ZCCHC7: variants seen among roughly 807,000 people sequenced by gnomAD.
The protein encoded by ZCCHC7 is zinc finger CCHC domain-containing protein 7.
ZCCHC7 carries 35 observed loss-of-function variants against 52.0 expected under a neutral mutation model. The ratio of observed to expected loss-of-function variants is 0.67; its 90% CI spans 0.51 to 0.89. ZCCHC7 has a LOEUF of 0.89. Ranked by LOEUF, ZCCHC7 falls within the 40% of genes least tolerant of loss-of-function variation. ZCCHC7 has a pLI of 0.00. For missense variants in ZCCHC7, 574 were observed against 649.1 expected, an observed-to-expected ratio of 0.88 and a Z score of 1.26; for synonymous variants, 217 against 221.5, an observed-to-expected ratio of 0.98 and a Z score of 0.18.
intron 3 of ZCCHC7, 67 bp downstream of exon 3, chr9:37,302,298 C>T: frequency 4.6e-6 from 6 of 1,311,450 alleles, no homozygotes; most frequent in South Asian, 1.3e-5. Context: ...ATTATGATAA[C>T]TTTTGGAACA....
intron 4 of ZCCHC7, 43 bp from the exon 5 acceptor site, chr9:37,305,501 C>T (rs376987256): frequency 1.1e-5 from 18 of 1,605,140 alleles, no homozygotes; most frequent in African/African-American, 1.1e-4. Flanking sequence ...TAATCTTCTA[C>T]CTTTTGAGAC....
intron 6 of ZCCHC7, among the ~76,000 whole-genome samples, chr9:37,342,109 T>G (rs1243976019): frequency 5.9e-5 from 9 of 152,150 alleles, no homozygotes; most frequent in Admixed American, 5.9e-4. Context: ...ATGATGTTCT[T>G]GTAATCATCC....
At chr9:37,237,967 G>A (rs1243799096) in intron 2 of ZCCHC7, among the ~76,000 whole-genome samples, 6 of 151,920 alleles carry the variant, frequency 3.9e-5, no homozygotes, top group East Asian at 1.9e-4. Context: ...TTTCATTTTC[G>A]TTTCATTACC....
intron 5 of ZCCHC7, among the ~76,000 whole-genome samples, chr9:37,306,049 G>A (rs1039880118): frequency 6.8e-6 from 1 of 147,952 alleles, no homozygotes; most frequent in Non-Finnish European, 1.5e-5. Flanking sequence ...TGTAAAATTT[G>A]TGTATTCATA....
chr9:37,284,561 T>C, intron 2 of ZCCHC7, among the ~76,000 whole-genome samples: 1 of 151,742 alleles, frequency 6.6e-6, no homozygotes, highest in East Asian at 1.9e-4. Context: ...TTATATGTAT[T>C]GGAAATGAAA....
intron 8 of ZCCHC7, 91 bp from the exon 9 acceptor site, chr9:37,356,744 C>G: frequency 8.3e-7 from 1 of 1,200,978 alleles, no homozygotes; most frequent in Non-Finnish European, 1.2e-6. Flanking sequence ...AAATATCTAG[C>G]TTCCCTGTCT....
Position 37,354,087 on chromosome 9 carries a change from G to A in ZCCHC7, c.1084-623G>A, listed in dbSNP as rs1293432253. ...AGTAAGAGTAGGGATTTCAACTTGG[G>A]TGGCGGAAGCAAGAAGAGAAACTTC... On this transcript the variant is annotated intron_variant, in intron 7 of 8. Coordinates refer to ENST00000336755, the MANE Select transcript of ZCCHC7 (RefSeq NM_032226.3). The surrounding 1 kb of genome is among the most constrained non-coding windows in gnomAD (Gnocchi z 4.0). Among the ~76,000 whole-genome samples the A allele has an allele frequency of 1.3e-5, 2 of 152,112 alleles. No individual in the cohort carries two copies. Among genetic ancestry groups the A allele is most frequent in the East Asian group, 1.9e-4 (1 of 5,198 alleles).
At chr9:37,260,869 T>A (rs991096729) in intron 2 of ZCCHC7, among the ~76,000 whole-genome samples, 2 of 152,248 alleles carry the variant, frequency 1.3e-5, no homozygotes, top group African/African-American at 4.8e-5. Flanking sequence ...TGAAATGGAG[T>A]TCAGACAAAC....
At position 37,349,476 on chromosome 9, in the gene ZCCHC7, A is replaced by G. The variant is rs1400802252; in HGVS notation, c.1083+24A>G. 6 of 1,605,722 alleles carry G rather than the reference A, an allele frequency of 3.7e-6. No homozygotes were observed. The Middle Eastern group carries it at 5.0e-4, about 133-fold the overall frequency. On this transcript the variant is annotated intron_variant, in intron 7 of 8. Coordinates refer to ENST00000336755, the MANE Select transcript of ZCCHC7 (RefSeq NM_032226.3). ...ACGTAAGTTTGAGTGACATTTGGGC[A>G]TGAAGCATTCTGTTGTCAGGGAGTG...
intron 2 of ZCCHC7, among the ~76,000 whole-genome samples, chr9:37,188,063 C>G (rs1822759311): frequency 6.6e-6 from 1 of 152,174 alleles, no homozygotes; most frequent in Non-Finnish European, 1.5e-5. Context: ...CCACTATACT[C>G]TTCTTCCCTT....
chr9:37,176,953 A>G (rs1018395121), intron 2 of ZCCHC7, among the ~76,000 whole-genome samples: 1 of 152,182 alleles, frequency 6.6e-6, no homozygotes, highest in Non-Finnish European at 1.5e-5. Flanking sequence ...TTGTTTTTTT[A>G]AACTACTGAT....
intron 3 of ZCCHC7, 40 bp from the exon 4 acceptor site, chr9:37,304,148 T>G: frequency 6.3e-7 from 1 of 1,581,470 alleles, no homozygotes; most frequent in Non-Finnish European, 8.6e-7. Context: ...TATTTAGCAG[T>G]GAAACAATTT....
In ZCCHC7 at chr9:37,126,458, C is replaced by G. The variant is rs1323824326; in HGVS notation, c.126C>G (p.Ala42=). 1 of 1,613,366 alleles carries G rather than the reference C, an allele frequency of 6.2e-7. No individual in the cohort carries two copies. The highest frequency in any genetic ancestry group is 1.3e-5 in the African/African-American group (1 of 74,790). The change falls in exon 2 of 9, where the codon GCC becomes GCG. Residue 42 remains alanine (A), a synonymous_variant. Transcript: ENST00000336755. ...AACTCTATAGCCAAATTCATTATGCCCAAGATCTTGATGATGTCATCAGGG... is the reference window on the plus strand; with the variant it reads ...AACTCTATAGCCAAATTCATTATGCGCAAGATCTTGATGATGTCATCAGGG... ...EFQLYSQIHY[A]QDLDDVIREE... is the part of the protein sequence containing the mutation.
intron 2 of ZCCHC7, among the ~76,000 whole-genome samples, chr9:37,259,427 T>C (rs1474792735): frequency 6.6e-6 from 1 of 152,174 alleles, no homozygotes; most frequent in Admixed American, 6.5e-5. Flanking sequence ...TTTATAAAGT[T>C]TCATTTTTAA....
intron 1 of ZCCHC7, 80 bp from the exon 2 acceptor site, chr9:37,126,232 C>A: frequency 7.6e-7 from 1 of 1,321,172 alleles, no homozygotes; most frequent in Non-Finnish European, 1.0e-6. Flanking sequence ...GCAGTTGTCA[C>A]TGACAGGTGA....
intron 6 of ZCCHC7, among the ~76,000 whole-genome samples, chr9:37,348,264 C>A (rs2118589037): frequency 6.6e-6 from 1 of 152,282 alleles, no homozygotes; most frequent in African/African-American, 2.4e-5. Context: ...TCCTTGTTCA[C>A]CCATGTTCAA....
chr9:37,222,768 A>T lies in ZCCHC7; in HGVS notation c.611-79420A>T, dbSNP rs1194187318. 2.6e-5 allele frequency among the ~76,000 whole-genome samples: 4 copies of T among 152,152 alleles called. No homozygotes were observed. The East Asian group carries it at 7.7e-4, about 29-fold the overall frequency. On this transcript the variant is annotated intron_variant, in intron 2 of 8. Coordinates refer to ENST00000336755, the MANE Select transcript of ZCCHC7 (RefSeq NM_032226.3). ...CAAAAAACCCACAAACTATGTGATT[A>T]ATAAAAGGGCTTTTAGTCTAATTGT...
intron 2 of ZCCHC7, among the ~76,000 whole-genome samples, chr9:37,175,430 G>A (rs367864691): frequency 4.6e-5 from 7 of 151,634 alleles, no homozygotes; most frequent in Non-Finnish European, 8.8e-5. Flanking sequence ...TAGGCCAGGC[G>A]TGGTGGCTCA....
chr9:37,317,534 A>G (rs1018659610), intron 5 of ZCCHC7, among the ~76,000 whole-genome samples: 1 of 152,224 alleles, frequency 6.6e-6, no homozygotes, highest in East Asian at 1.9e-4. Flanking sequence ...CAACATGGTG[A>G]GAGTTCATCT....
Sources: gnomAD v4.1 joint callset for allele counts (sites outside exome capture counted in the v4.1 genomes callset) on GRCh38, gnomAD v4.1.1 for gene constraint, Gnocchi (gnomAD v3.1) non-coding constraint, MANE v1.5 for transcripts, NCBI Gene and HGNC (gene_info 2026-07-23, HGNC 2026-07-21) for gene names.